The following NEB variants were observed in gnomAD, a reference collection of about 807,000 sequenced individuals.
The protein encoded by NEB is nemaline myopathy type 2.
NEB carries 512 observed loss-of-function variants against 952.2 expected under a neutral mutation model. That is an observed-to-expected ratio of 0.54 (90% CI 0.50 to 0.58). The LOEUF (loss-of-function observed/expected upper bound fraction) is 0.58. NEB is among the 20% of genes least tolerant of loss of function. The pLI is 0.00. For synonymous variants in NEB, 2,900 were observed against 3,149.8 expected, an observed-to-expected ratio of 0.92 and a Z score of 2.66; for missense variants, 8,428 against 9,231.1, an observed-to-expected ratio of 0.91 and a Z score of 3.56.
At position 151,625,584 on chromosome 2, in the gene NEB, C is replaced by T; in HGVS notation, c.10402G>A (p.Asp3468Asn). The change falls in exon 71 of 182, where the codon GAT (aspartate) becomes AAT (asparagine). Residue 3468 changes from aspartate to asparagine, a missense_variant. Asp to Asn is a conservative substitution (Grantham distance 23). Transcript: ENST00000397345. ...CTTGCCAACATGATTTCAGGTGTAT[C>T]AGGCATAATATGGACTTGGGTCTTG... is the stretch of plus-strand genomic sequence containing the variant. ...KDKTQVHIMP[D>N]TPEIMLARQN... 1 of 1,606,372 alleles carries T rather than the reference C, an allele frequency of 6.2e-7. No homozygotes were observed. The highest frequency in any genetic ancestry group is 8.5e-7 in the Non-Finnish European group (1 of 1,174,740).
chr2:151,631,071 G>T (rs1204508416), intron 66 of NEB, 72 bp downstream of exon 66: 2 of 1,561,094 alleles, frequency 1.3e-6, no homozygotes, highest in Non-Finnish European at 1.8e-6. Context: ...AGATAATTTA[G>T]ACTCCATTAG....
intron 177 of NEB, 34 bp downstream of exon 177, chr2:151,492,353 G>A (rs201022605): frequency 5.7e-6 from 9 of 1,587,358 alleles, no homozygotes; most frequent in African/African-American, 5.4e-5. Flanking sequence ...ATTCTGACAG[G>A]CAGCCAGCCA....
Position 151,667,597 on chromosome 2 carries a change from A to C in NEB, c.4719+207T>G, listed in dbSNP as rs140387522. Among the ~76,000 whole-genome samples the C allele has an allele frequency of 3.7e-3, 558 of 152,118 alleles. 4 individuals carry two copies. Among genetic ancestry groups the C allele is most frequent in the African/African-American group, 0.013 (534 of 41,494 alleles). On this transcript the variant is annotated intron_variant, in intron 40 of 181. Coordinates refer to ENST00000397345, the MANE Select transcript of NEB (RefSeq NM_001164508.2). Reference sequence around the variant, plus strand: ...ATCACCCAGGCTGGAGTGCAATCACAGCTCACTGCAGCTTCAAACTCCTGG... The same window carrying C: ...ATCACCCAGGCTGGAGTGCAATCACCGCTCACTGCAGCTTCAAACTCCTGG...
intron 48 of NEB, among the ~76,000 whole-genome samples, chr2:151,657,450 A>T (rs1345737217): frequency 1.1e-4 from 16 of 152,164 alleles, no homozygotes; most frequent in Admixed American, 1.0e-3. Flanking sequence ...TTTGCCGGCC[A>T]GCGCAGGGAA....
At chr2:151,499,446 C>G (rs2062790440) in intron 168 of NEB, 56 bp from the exon 169 acceptor site, 2 of 934,730 alleles carry the variant, frequency 2.1e-6, no homozygotes, top group African/African-American at 1.6e-5. Flanking sequence ...ACAGCCCTTT[C>G]ATCTACCTTG....
Position 151,610,513 on chromosome 2 carries a change from C to T in NEB, c.12018+3G>A. 6 of 1,599,234 alleles carry T rather than the reference C, an allele frequency of 3.8e-6. No individual in the cohort carries two copies. Among genetic ancestry groups the T allele is most frequent in the Non-Finnish European group, 4.3e-6 (5 of 1,166,618 alleles). ...CACAGAGAGTTAGATGGAAGGTACT[C>T]ACGTCACTGGCGATGTCCCTGGAGG... On this transcript the variant is annotated splice_donor_region_variant and intron_variant, in intron 80 of 181. Coordinates refer to ENST00000397345, the MANE Select transcript of NEB (RefSeq NM_001164508.2).
At chr2:151,552,111 A>C (rs1401107926) in intron 128 of NEB, among the ~76,000 whole-genome samples, 1 of 152,304 alleles carries the variant, frequency 6.6e-6, no homozygotes, top group African/African-American at 2.4e-5. Flanking sequence ...CACTGGCGGG[A>C]TCTGATATTG....
rs1553709118 is a variant in NEB, at chr2:151,546,018, A to AC, written c.20467-21dup. 11 of 1,335,278 alleles carry AC rather than the reference A, an allele frequency of 8.2e-6. No homozygotes were observed. In the African/African-American group the frequency reaches 1.2e-4, roughly 14 times the overall value. The allele number at this position is 1,335,278 out of a possible 1,614,324, so 82.7% of individuals were successfully genotyped here. On this transcript the variant is annotated intron_variant, in intron 134 of 181. Coordinates refer to ENST00000397345, the MANE Select transcript of NEB (RefSeq NM_001164508.2). ...ATTAGACTTAAAAAAAAAAAAAAAAACAGAAATACAAGTTGATTAATCATT... is the reference window on the plus strand; with the variant it reads ...ATTAGACTTAAAAAAAAAAAAAAAAACCAGAAATACAAGTTGATTAATCATT...
chr2:151,564,837 C>T (rs2096282223), intron 117 of NEB, among the ~76,000 whole-genome samples: 1 of 152,190 alleles, frequency 6.6e-6, no homozygotes, highest in African/African-American at 2.4e-5. Context: ...GAGCCCGGCA[C>T]ATCACGGGAG....
At position 151,679,900 on chromosome 2, in the gene NEB, G is replaced by A. The variant is rs369903833; in HGVS notation, c.3147+18C>T. 17 of 1,609,032 alleles carry A rather than the reference G, an allele frequency of 1.1e-5. No individual in the cohort carries two copies. Among genetic ancestry groups the A allele is most frequent in the East Asian group, 4.5e-5 (2 of 44,868 alleles). ...AAAGTCTGGACATACGCATCAGCCC[G>A]TGAGTCCACCCACGCACCTCACTGA... is the stretch of plus-strand genomic sequence containing the variant. On this transcript the variant is annotated intron_variant, in intron 31 of 181. Transcript: ENST00000397345.
At position 151,501,420 on chromosome 2, in the gene NEB, C is replaced by T; in HGVS notation, c.23992G>A (p.Val7998Ile). ...PLPVTPEMER[V>I]KLNQENFSSV... The stretch of plus-strand genomic sequence containing the variant: ...CTAAAGTTTTCTTGATTGAGTTTGA[C>T]TCGCTCCATCTCAGGAGTGACAGGT... The change falls in exon 168 of 182, where the codon GTC becomes ATC. Residue 7998 changes from valine (V) to isoleucine (I), a missense_variant. Val to Ile is a conservative substitution (Grantham distance 29). Transcript: ENST00000397345. The T allele has an allele frequency of 1.3e-6, 2 of 1,549,380 alleles. No individual in the cohort carries two copies.
At chr2:151,717,094 G>C (rs1468173412) in intron 10 of NEB, among the ~76,000 whole-genome samples, 4 of 152,222 alleles carry the variant, frequency 2.6e-5, no homozygotes, top group Non-Finnish European at 4.4e-5. Flanking sequence ...CTTCACGGAA[G>C]TGTGTGGTTA....
At chr2:151,568,477 G>C (rs1472607880) in intron 111 of NEB, 60 bp from the exon 112 acceptor site, 1 of 1,515,306 alleles carries the variant, frequency 6.6e-7, no homozygotes, top group Non-Finnish European at 9.2e-7. Context: ...GCATCATGTT[G>C]TCCAAGCAAT....
chr2:151,665,200 A>G, intron 42 of NEB, 133 bp downstream of exon 42: 1 of 788,774 alleles, frequency 1.3e-6, no homozygotes, highest in Non-Finnish European at 2.0e-6. Context: ...TGGAAGCAAT[A>G]GAGTCCCCCT....
Position 151,501,435 on chromosome 2 carries a change from G to A in NEB, c.23977C>T (p.Pro7993Ser), listed in dbSNP as rs1156903171. Residue 7993 changes from proline (P) to serine (S), a missense_variant, in exon 168 of 182, where the codon CCT becomes TCT. By Grantham distance (74) the Pro-to-Ser change is moderately conservative. Coordinates refer to ENST00000397345, the MANE Select transcript of NEB (RefSeq NM_001164508.2). ...TTGAGTTTGACTCGCTCCATCTCAGGAGTGACAGGTAGGGGAGTCCCCTTG... is the reference window on the plus strand; with the variant it reads ...TTGAGTTTGACTCGCTCCATCTCAGAAGTGACAGGTAGGGGAGTCCCCTTG... ...LSKGTPLPVT[P>S]EMERVKLNQE... The A allele has an allele frequency of 1.3e-6, 2 of 1,547,484 alleles. No homozygotes were observed. The highest frequency in any genetic ancestry group is 4.9e-5 in the East Asian group (2 of 40,960).
chr2:151,531,648 G>A (rs2091087881), intron 144 of NEB, 144 bp downstream of exon 144: 1 of 675,942 alleles, frequency 1.5e-6, no homozygotes, highest in East Asian at 2.7e-5. Flanking sequence ...GGAGAATCCT[G>A]TGCATAACAG....
intron 107 of NEB, among the ~76,000 whole-genome samples, chr2:151,571,732 C>T (rs944245905): frequency 2.0e-5 from 3 of 152,154 alleles, no homozygotes; most frequent in Admixed American, 6.5e-5. Context: ...TTAATGGATA[C>T]ATTGTGTATT....
Position 151,678,052 on chromosome 2 carries a change from CAT to C in NEB, c.3389_3390del (p.Tyr1130Ter), listed in dbSNP as rs1159756073. On this transcript the variant is annotated frameshift_variant, in exon 33 of 182. Transcript: ENST00000397345. LOFTEE classifies it high-confidence loss of function. ...IQSDREYKKD[Y>X]EKTKSKYNTP... is the part of the protein sequence containing the mutation. ...GTGTTGTATTTGGACTTTGTCTTCT[CAT>C]AGTCTTTTTTATACTCCCGATCTGA... The C allele has an allele frequency of 6.2e-7, 1 of 1,613,910 alleles. No homozygotes were observed.
Position 151,643,946 on chromosome 2 carries a change from C to A in NEB, c.7828G>T (p.Val2610Leu). Residue 2610 changes from valine to leucine, a missense_variant, in exon 57 of 182, where the codon GTG becomes TTG. Around this residue, in one of 11 missense-constraint regions of NEB, gnomAD observed 1,772 missense variants for 1,960.3 expected, o/e 0.90. Coordinates refer to ENST00000397345, the MANE Select transcript of NEB (RefSeq NM_001164508.2). The part of the protein sequence containing the change: ...FSSPVDMLGV[V>L]LAKKCQTLVS... ...AAGGTCTGGCACTTCTTGGCCAACA[C>A]CACCCCCAGCATGTCCACTGGGCTG... 3.1e-6 allele frequency: 5 copies of A among 1,613,890 alleles called. 1 individual carries two copies. Among genetic ancestry groups the A allele is most frequent in the Non-Finnish European group, 4.2e-6 (5 of 1,179,824 alleles).
Sources: gnomAD v4.1 joint callset for allele counts (sites outside exome capture counted in the v4.1 genomes callset) on GRCh38, gnomAD v4.1.1 for gene constraint, gnomAD v4.1.1 regional missense constraint, MANE v1.5 for transcripts, NCBI Gene and HGNC (gene_info 2026-07-23, HGNC 2026-07-21) for gene names.